RIMS1: variants seen among roughly 807,000 people sequenced by gnomAD.
RIMS1 encodes regulating synaptic membrane exocytosis 1.
A neutral mutation model predicts 214.1 loss-of-function variants in RIMS1; 83 were observed. That is an observed-to-expected ratio of 0.39 (90% confidence interval 0.32 to 0.47). The LOEUF is 0.47. Ranked by LOEUF, RIMS1 falls within the 20% of genes least tolerant of loss-of-function variation. The pLI, the probability that RIMS1 is intolerant of heterozygous loss-of-function variation, is 0.99. For missense variants in RIMS1, 2,050 were observed against 2,161.8 expected, an observed-to-expected ratio of 0.95 and a Z score of 1.03; for synonymous variants, 793 against 786.8, an observed-to-expected ratio of 1.01 and a Z score of -0.13.
chr6:72,340,370 C>T (rs2154353984), intron 29 of RIMS1, among the ~76,000 whole-genome samples: 1 of 151,994 alleles, frequency 6.6e-6, no homozygotes, highest in Admixed American at 6.6e-5. Context: ...ATGCCTATGT[C>T]CTGAATGGTA....
chr6:72,290,590 G>A, intron 24 of RIMS1, 89 bp from the exon 25 acceptor site: 2 of 1,111,722 alleles, frequency 1.8e-6, no homozygotes, highest in Admixed American at 2.3e-5. Context: ...TCATGTACGA[G>A]TAACCAGGTT....
chr6:72,258,586 T>G (rs977917761), intron 17 of RIMS1, among the ~76,000 whole-genome samples: 4 of 152,230 alleles, frequency 2.6e-5, no homozygotes, highest in African/African-American at 9.6e-5. Context: ...ATCAGAATTG[T>G]GGAGAGAAGT....
At chr6:72,324,151 A>G (rs535735162) in intron 28 of RIMS1, among the ~76,000 whole-genome samples, 1 of 152,082 alleles carries the variant, frequency 6.6e-6, no homozygotes, top group African/African-American at 2.4e-5. Context: ...GTTGAAGAAA[A>G]GTATCTCCAG....
At chr6:71,956,023 TGTAGTATTAGAG>T (rs1204772575) in intron 1 of RIMS1, among the ~76,000 whole-genome samples, 1 of 152,116 alleles carries the variant, frequency 6.6e-6, no homozygotes, top group Non-Finnish European at 1.5e-5. Flanking sequence ...GAGGTAATTA[TGTAGTATTAGAG>T]ACAATGTCTC....
At chr6:72,154,870 C>G (rs2044230824) in intron 4 of RIMS1, among the ~76,000 whole-genome samples, 1 of 140,134 alleles carries the variant, frequency 7.1e-6, no homozygotes, top group Admixed American at 7.3e-5. Flanking sequence ...GCCCTAGAGG[C>G]CCACTTCTTT....
chr6:71,962,887 C>T (rs910415275), intron 1 of RIMS1, among the ~76,000 whole-genome samples: 4 of 152,006 alleles, frequency 2.6e-5, no homozygotes, highest in Non-Finnish European at 5.9e-5. Context: ...ATTTGTCTTG[C>T]ATTTCACATT....
intron 22 of RIMS1, chr6:72,266,427 T>A: frequency 3.5e-6 from 1 of 284,986 alleles, no homozygotes; most frequent in East Asian, 8.4e-5. Flanking sequence ...TTCCTCTTAG[T>A]ACCACTGATA....
intron 31 of RIMS1, 40 bp downstream of exon 31, chr6:72,392,850 T>C (rs2098721546): frequency 7.3e-7 from 1 of 1,378,696 alleles, no homozygotes; most frequent in African/African-American, 1.4e-5. Context: ...AATTGATGTT[T>C]TGTGTTTGAC....
At chr6:71,941,009 C>T (rs575067672) in intron 1 of RIMS1, among the ~76,000 whole-genome samples, 1 of 151,960 alleles carries the variant, frequency 6.6e-6, no homozygotes, top group East Asian at 1.9e-4. Flanking sequence ...AGAAACTTGT[C>T]GAAAATTTAG....
intron 2 of RIMS1, among the ~76,000 whole-genome samples, chr6:72,028,405 G>C (rs1024961980): frequency 2.0e-5 from 3 of 152,020 alleles, no homozygotes; most frequent in African/African-American, 7.2e-5. Context: ...TTTAATATCT[G>C]TAACAACCTA....
intron 4 of RIMS1, among the ~76,000 whole-genome samples, chr6:72,174,588 T>C (rs1432071079): frequency 1.3e-5 from 2 of 152,224 alleles, no homozygotes; most frequent in Non-Finnish European, 2.9e-5. Context: ...TCTGTGTTAA[T>C]GTGAAAGGTT....
intron 2 of RIMS1, among the ~76,000 whole-genome samples, chr6:71,984,491 A>T (rs893781944): frequency 6.6e-6 from 1 of 152,176 alleles, no homozygotes; most frequent in Admixed American, 6.5e-5. Flanking sequence ...TTATCTGGCA[A>T]TTTATAATTT....
At chr6:71,999,838 C>A (rs1804577911) in intron 2 of RIMS1, among the ~76,000 whole-genome samples, 1 of 152,032 alleles carries the variant, frequency 6.6e-6, no homozygotes, top group Non-Finnish European at 1.5e-5. Flanking sequence ...ATATTTCCAG[C>A]CTATCGTTCT....
intron 4 of RIMS1, among the ~76,000 whole-genome samples, chr6:72,144,648 AG>A (rs755828765): frequency 2.7e-4 from 41 of 152,056 alleles, no homozygotes; most frequent in Non-Finnish European, 4.9e-4. Flanking sequence ...TTCAGGTTAA[AG>A]ACACTCCATT....
chr6:71,894,169 G>T (rs1770868454), intron 1 of RIMS1, among the ~76,000 whole-genome samples: 1 of 152,194 alleles, frequency 6.6e-6, no homozygotes, highest in Non-Finnish European at 1.5e-5. Context: ...TATCAGCCAG[G>T]CGTGGTGGCT....
Position 72,097,094 on chromosome 6 carries a change from C to T in RIMS1, c.391C>T (p.Leu131Phe), listed in dbSNP as rs751198752. Residue 131 changes from leucine to phenylalanine, a missense_variant, in exon 3 of 34, where the codon CTC becomes TTC. Around this residue, in one of 6 missense-constraint regions of RIMS1, gnomAD observed 882 missense variants for 828.9 expected, o/e 1.06. Coordinates refer to ENST00000521978, the MANE Select transcript of RIMS1 (RefSeq NM_014989.7). Reference protein sequence around the residue: ...KTKFADGCGHLCSYCRTKFCA... With the variant: ...KTKFADGCGHFCSYCRTKFCA... The stretch of plus-strand genomic sequence containing the variant: ...AAAGTTTGCTGATGGGTGCGGTCAT[C>T]TCTGCTCCTATTGTCGCACTAAGTT... The T allele has an allele frequency of 3.7e-6, 6 of 1,614,026 alleles. No individual in the cohort carries two copies. Among genetic ancestry groups the T allele is most frequent in the African/African-American group, 1.3e-5 (1 of 75,060 alleles).
intron 2 of RIMS1, 57 bp from the exon 3 acceptor site, chr6:72,096,892 T>C: frequency 2.2e-6 from 3 of 1,386,054 alleles, no homozygotes; most frequent in Non-Finnish European, 3.0e-6. Context: ...TTTTGTTTGT[T>C]CTTGGTTTTG....
chr6:72,106,496 T>A (rs1444670426), intron 4 of RIMS1, among the ~76,000 whole-genome samples: 3 of 152,158 alleles, frequency 2.0e-5, no homozygotes, highest in African/African-American at 7.2e-5. Context: ...TGTGCAATTA[T>A]AATGTTTTTC....
chr6:71,916,498 C>T (rs1293632996), intron 1 of RIMS1, among the ~76,000 whole-genome samples: 1 of 152,080 alleles, frequency 6.6e-6, no homozygotes, highest in Non-Finnish European at 1.5e-5. Context: ...TAATGAGTCA[C>T]CTGAACCAAC....
Sources: gnomAD v4.1 joint callset for allele counts (sites outside exome capture counted in the v4.1 genomes callset) on GRCh38, gnomAD v4.1.1 for gene constraint, gnomAD v4.1.1 regional missense constraint, MANE v1.5 for transcripts, NCBI Gene and HGNC (gene_info 2026-07-23, HGNC 2026-07-21) for gene names.